Variants in ZBTB7C observed in about 807,000 individuals in gnomAD.
The protein encoded by ZBTB7C is zinc finger and BTB domain containing 7C, also known as zinc finger and BTB domain-containing protein 7C.
In ZBTB7C, 8 loss-of-function variants were observed where a neutral mutation model predicts 25.7. The ratio of observed to expected loss-of-function variants is 0.31; its 90% CI spans 0.18 to 0.56. The LOEUF is 0.56. ZBTB7C is among the 20% of genes least tolerant of loss of function. ZBTB7C has a pLI of 0.91. For synonymous variants in ZBTB7C, 394 were observed against 369.0 expected (o/e 1.07, Z -0.78); for missense variants, 824 against 855.2 (o/e 0.96, Z 0.46).
chr18:48,143,926 C>A (rs894467938), intron 3 of ZBTB7C, among the ~76,000 whole-genome samples: 1 of 152,202 alleles, frequency 6.6e-6, no homozygotes, highest in Non-Finnish European at 1.5e-5. Flanking sequence ...CTATTGCAGT[C>A]CGGCCCAACT....
chr18:48,323,211 T>C (rs1013395210), intron 2 of ZBTB7C, among the ~76,000 whole-genome samples: 3 of 152,054 alleles, frequency 2.0e-5, no homozygotes, highest in African/African-American at 7.2e-5. Flanking sequence ...AAAATATCAA[T>C]TTAAAAAAAA....
At position 48,040,717 on chromosome 18, in the gene ZBTB7C, C is replaced by T. The variant is rs758879850; in HGVS notation, c.391G>A (p.Gly131Arg). Residue 131 changes from glycine to arginine, a missense_variant, in exon 4 of 5, where the codon GGG (glycine) becomes AGG (arginine). By Grantham distance (125) the Gly-to-Arg change is moderately radical. Coordinates refer to ENST00000590800, the MANE Select transcript of ZBTB7C (RefSeq NM_001318841.2). The part of the protein sequence containing the change: ...NVCLEIMEPG[G>R]DGGEEDDKED... ...TTGTCATCCTCCTCCCCCCCGTCCC[C>T]CCCAGGCTCCATGATCTCCAGGCAC... 1 of 1,614,052 alleles carries T rather than the reference C, an allele frequency of 6.2e-7. No homozygotes were observed. The highest frequency in any genetic ancestry group is 1.1e-5 in the South Asian group (1 of 91,064).
intron 1 of ZBTB7C, among the ~76,000 whole-genome samples, chr18:48,357,265 C>A (rs2046996271): frequency 6.6e-6 from 1 of 152,194 alleles, no homozygotes; most frequent in Admixed American, 6.5e-5. Context: ...AGCAAGAAGC[C>A]AGTGCTCCTG....
At chr18:48,167,836 C>T (rs1003650868) in intron 3 of ZBTB7C, among the ~76,000 whole-genome samples, 2 of 152,172 alleles carry the variant, frequency 1.3e-5, no homozygotes, top group African/African-American at 4.8e-5. Context: ...TAAAATTACA[C>T]AGAACGGTAT....
chr18:48,368,449 T>A (rs2047306048), intron 1 of ZBTB7C, among the ~76,000 whole-genome samples: 1 of 152,110 alleles, frequency 6.6e-6, no homozygotes, highest in Admixed American at 6.5e-5. Flanking sequence ...CTCAGGGACC[T>A]GTGGTACTAT....
rs186779400 is a variant in ZBTB7C, at chr18:48,029,377, G to C, written c.1743C>G (p.Asn581Lys). ...GGLLAFALAENVAAARPYFPL... is the reference protein window; with the variant it reads ...GGLLAFALAEKVAAARPYFPL... ...GGAAGTAGGGCCGCGCCGCCGCCAC[G>C]TTCTCGGCCAGCGCGAAGGCCAGGA... The change falls in exon 5 of 5, where the codon AAC (asparagine) becomes AAG (lysine). Residue 581 changes from asparagine (N) to lysine (K), a missense_variant. Around this residue, in one of 4 missense-constraint regions of ZBTB7C, gnomAD observed 342 missense variants for 307.0 expected, o/e 1.11. Transcript: ENST00000590800. 2 of 1,555,302 alleles carry C rather than the reference G, an allele frequency of 1.3e-6. No homozygotes were observed. The highest frequency in any genetic ancestry group is 1.7e-6 in the Non-Finnish European group (2 of 1,154,534).
chr18:48,117,819 A>T (rs896099231), intron 3 of ZBTB7C, among the ~76,000 whole-genome samples: 2 of 152,146 alleles, frequency 1.3e-5, no homozygotes, highest in African/African-American at 2.4e-5. Flanking sequence ...ACCAATTTCT[A>T]TTCCTTCCAG....
At position 48,059,456 on chromosome 18, in the gene ZBTB7C, C is replaced by T. The variant is rs551114898; in HGVS notation, c.-16-18333G>A. Among the ~76,000 whole-genome samples the T allele has an allele frequency of 3.9e-5, 6 of 152,260 alleles. No individual in the cohort carries two copies. The South Asian group carries it at 1.2e-3, about 32-fold the overall frequency. The stretch of plus-strand genomic sequence containing the variant: ...CTCACACACAGAATGCCTGCAACCT[C>T]CCCACCTGAGACCTACAACTCACTG... On this transcript the variant is annotated intron_variant, in intron 3 of 4. Coordinates refer to ENST00000590800, the MANE Select transcript of ZBTB7C (RefSeq NM_001318841.2).
intron 3 of ZBTB7C, among the ~76,000 whole-genome samples, chr18:48,100,094 T>C (rs1028971105): frequency 1.3e-5 from 2 of 152,196 alleles, no homozygotes; most frequent in Non-Finnish European, 2.9e-5. Context: ...CCCCCTCTCC[T>C]GGACATTTGG....
At chr18:48,037,516 C>T (rs573095871) in intron 4 of ZBTB7C, among the ~76,000 whole-genome samples, 9 of 152,360 alleles carry the variant, frequency 5.9e-5, no homozygotes, top group South Asian at 2.1e-4. Context: ...GCAGTGACTA[C>T]GCACGGTTAA....
At chr18:48,293,174 T>C (rs1157847051) in intron 2 of ZBTB7C, among the ~76,000 whole-genome samples, 1 of 152,212 alleles carries the variant, frequency 6.6e-6, no homozygotes, top group Non-Finnish European at 1.5e-5. Flanking sequence ...AAACTAGAAA[T>C]GTATTGCTCC....
chr18:48,352,395 CCAA>C, intron 1 of ZBTB7C, among the ~76,000 whole-genome samples: 1 of 152,224 alleles, frequency 6.6e-6, no homozygotes, highest in Non-Finnish European at 1.5e-5. Flanking sequence ...CCGCAGTATT[CCAA>C]CAGGGCTTCT....
chr18:48,188,626 G>A (rs1230321421), intron 2 of ZBTB7C, among the ~76,000 whole-genome samples: 1 of 152,084 alleles, frequency 6.6e-6, no homozygotes, highest in Admixed American at 6.6e-5. Context: ...ACAGAGAGAG[G>A]GGTCTGAGCA....
intron 2 of ZBTB7C, among the ~76,000 whole-genome samples, chr18:48,300,544 A>C (rs1342210136): frequency 6.6e-6 from 1 of 150,938 alleles, no homozygotes; most frequent in Non-Finnish European, 1.5e-5. Flanking sequence ...TCGTTTTTTT[A>C]CTCTTGCTAC....
intron 3 of ZBTB7C, among the ~76,000 whole-genome samples, chr18:48,049,579 G>A (rs1568176695): frequency 1.3e-5 from 2 of 151,754 alleles, no homozygotes; most frequent in African/African-American, 2.4e-5. Context: ...GCCCTCTGCC[G>A]TGGGATACCT....
chr18:48,218,865 A>G (rs562779157), intron 2 of ZBTB7C, among the ~76,000 whole-genome samples: 9 of 152,128 alleles, frequency 5.9e-5, no homozygotes, highest in Non-Finnish European at 1.2e-4. Context: ...CTTGGAAGAC[A>G]GCTATGCCGG....
intron 3 of ZBTB7C, among the ~76,000 whole-genome samples, chr18:48,053,354 C>T (rs1439971611): frequency 2.0e-5 from 3 of 152,160 alleles, no homozygotes; most frequent in South Asian, 4.1e-4. Context: ...ATAATGGTGA[C>T]TTCAGGTATG....
chr18:48,238,891 C>T (rs186433627), intron 2 of ZBTB7C, among the ~76,000 whole-genome samples: 158 of 152,172 alleles, frequency 1.0e-3, no homozygotes, highest in South Asian at 2.3e-3. Context: ...GCCTTGTAGC[C>T]GGGGGCAAGA....
intron 2 of ZBTB7C, chr18:48,252,826 C>T (rs2043907365): frequency 6.6e-6 from 1 of 152,220 alleles, no homozygotes; most frequent in Admixed American, 6.5e-5. Flanking sequence ...GGAAATAGAG[C>T]ACCAAGGTTA....
Sources: gnomAD v4.1 joint callset for allele counts (sites outside exome capture counted in the v4.1 genomes callset) on GRCh38, gnomAD v4.1.1 for gene constraint, gnomAD v4.1.1 regional missense constraint, MANE v1.5 for transcripts, NCBI Gene and HGNC (gene_info 2026-07-23, HGNC 2026-07-21) for gene names.